The following MCCC1 variants were observed in gnomAD, a reference collection of about 807,000 sequenced individuals.
The protein encoded by MCCC1 is methylcrotonoyl-CoA carboxylase subunit alpha, mitochondrial.
MCCC1 carries 64 observed loss-of-function variants against 83.8 expected under a neutral mutation model. That is an observed-to-expected ratio of 0.76 (90% CI 0.62 to 0.94). The LOEUF is 0.94. MCCC1 is among the 40% of genes least tolerant of loss of function. The probability of loss-of-function intolerance (pLI) is 0.00; values close to 1 mark genes in which losing one functional copy is unlikely to be tolerated. For synonymous variants in MCCC1, 322 were observed against 315.4 expected (o/e 1.02, Z -0.22); for missense variants, 807 against 904.7 (o/e 0.89, Z 1.39).
In MCCC1 at chr3:183,046,543, G is replaced by A. The variant is rs190612741; in HGVS notation, c.956-1003C>T. On this transcript the variant is annotated intron_variant, in intron 9 of 18. Transcript: ENST00000265594. ...CTCCTGAGTAGATGGGACCACAGGC[G>A]CACACCACTATGTCCAGCTAATTTT... Among the ~76,000 whole-genome samples, 10 of 152,004 alleles carry A rather than the reference G, an allele frequency of 6.6e-5. No individual in the cohort carries two copies. The East Asian group carries it at 9.7e-4, about 15-fold the overall frequency.
chr3:183,073,639 T>G (rs1716856631), intron 4 of MCCC1, among the ~76,000 whole-genome samples: 2 of 152,240 alleles, frequency 1.3e-5, no homozygotes, highest in African/African-American at 4.8e-5. Context: ...CCTGTGGCCA[T>G]AAGTTTTGCA....
At chr3:183,115,292 TATC>T (rs1719571522) in intron 1 of MCCC1, among the ~76,000 whole-genome samples, 3 of 152,210 alleles carry the variant, frequency 2.0e-5, no homozygotes, top group Admixed American at 6.5e-5. Flanking sequence ...TAGAATTGGC[TATC>T]ATTTCTTCCA....
chr3:183,072,615 C>T, intron 4 of MCCC1, 128 bp from the exon 5 acceptor site: 1 of 1,015,710 alleles, frequency 9.8e-7, no homozygotes, highest in South Asian at 1.4e-5. Context: ...CTCTATTAAA[C>T]TCTGTTTCCA....
intron 1 of MCCC1, among the ~76,000 whole-genome samples, chr3:183,115,119 T>C (rs1719569559): frequency 6.6e-6 from 1 of 152,136 alleles, no homozygotes; most frequent in Non-Finnish European, 1.5e-5. Flanking sequence ...CCGGCACCCC[T>C]CTGACGGCCT....
intron 17 of MCCC1, among the ~76,000 whole-genome samples, chr3:183,018,831 G>A (rs1452582485): frequency 1.3e-5 from 2 of 152,214 alleles, no homozygotes; most frequent in Non-Finnish European, 2.9e-5. Context: ...TCAGAGCCCT[G>A]TGTAGTAAAT....
intron 14 of MCCC1, 80 bp from the exon 15 acceptor site, chr3:183,025,884 T>C: frequency 7.9e-7 from 1 of 1,260,680 alleles, no homozygotes; most frequent in South Asian, 1.2e-5. Context: ...AGAATCTCAC[T>C]CTCAACCTAA....
intron 7 of MCCC1, among the ~76,000 whole-genome samples, chr3:183,058,120 TAC>T (rs1316524482): frequency 6.6e-6 from 1 of 152,180 alleles, no homozygotes; most frequent in Non-Finnish European, 1.5e-5. Context: ...ACATCAAAAT[TAC>T]AAATTATAGT....
chr3:183,109,820 G>A (rs1170557263), intron 1 of MCCC1, among the ~76,000 whole-genome samples: 2 of 152,168 alleles, frequency 1.3e-5, no homozygotes, highest in Non-Finnish European at 2.9e-5. Context: ...AGTTCTTTGA[G>A]AAATCTCCAA....
upstream of MCCC1, among the ~76,000 whole-genome samples, chr3:183,101,844 G>A (rs1307293490): frequency 2.0e-5 from 3 of 151,888 alleles, no homozygotes; most frequent in East Asian, 3.9e-4. Flanking sequence ...TGAGCCCAGC[G>A]AGACCACGAG....
chr3:183,114,383 G>A (rs138575314), intron 1 of MCCC1, among the ~76,000 whole-genome samples: 5 of 151,990 alleles, frequency 3.3e-5, no homozygotes, highest in African/African-American at 9.7e-5. Flanking sequence ...TCTCTCGGTC[G>A]CTGGCTAATA....
At chr3:183,066,137 A>C (rs956512150) in intron 7 of MCCC1, among the ~76,000 whole-genome samples, 1 of 152,164 alleles carries the variant, frequency 6.6e-6, no homozygotes, top group Admixed American at 6.5e-5. Context: ...TTCTGATATG[A>C]CTTAGTGTAC....
Position 183,015,322 on chromosome 3 carries a change from G to T in MCCC1, c.*116C>A. The T allele has an allele frequency of 1.9e-6, 2 of 1,033,098 alleles. No individual in the cohort carries two copies. The highest frequency in any genetic ancestry group is 3.1e-6 in the Non-Finnish European group (2 of 655,064). The allele number at this position is 1,033,098 out of a possible 1,614,324, so 64.0% of individuals were successfully genotyped here. On this transcript the variant is annotated 3_prime_UTR_variant, in exon 19 of 19. Coordinates refer to ENST00000265594, the MANE Select transcript of MCCC1 (RefSeq NM_020166.5). ...CCAATATGAAAGGTGTTCAGCATAA[G>T]CATACAATCATTTAGTAAAACTGCT...
At chr3:183,022,359 C>T in intron 16 of MCCC1, 58 bp downstream of exon 16, 2 of 1,588,154 alleles carry the variant, frequency 1.3e-6, no homozygotes, top group South Asian at 2.2e-5. Flanking sequence ...TGGAATGTCT[C>T]TGGTCAAACA....
upstream of MCCC1, among the ~76,000 whole-genome samples, chr3:183,102,571 G>C (rs1368722091): frequency 6.6e-6 from 1 of 151,880 alleles, no homozygotes; most frequent in Non-Finnish European, 1.5e-5. Flanking sequence ...CTTCATTCTA[G>C]ATTTTAAAAC....
At chr3:183,024,855 C>T (rs1000623109) in intron 15 of MCCC1, among the ~76,000 whole-genome samples, 18 of 151,584 alleles carry the variant, frequency 1.2e-4, no homozygotes, top group African/African-American at 4.1e-4. Context: ...TTCATAGCAG[C>T]ATTATTCACA....
chr3:183,024,752 A>C (rs1460349434), intron 15 of MCCC1, among the ~76,000 whole-genome samples: 2 of 152,182 alleles, frequency 1.3e-5, no homozygotes, highest in East Asian at 1.9e-4. Flanking sequence ...TTTTCAAAGA[A>C]TCAGAATCAC....
At chr3:183,085,992 C>T (rs1456718438) in intron 4 of MCCC1, among the ~76,000 whole-genome samples, 1 of 152,244 alleles carries the variant, frequency 6.6e-6, no homozygotes, top group Non-Finnish European at 1.5e-5. Flanking sequence ...CAGAAAGTCC[C>T]TCCCCCAGTC....
Position 183,017,300 on chromosome 3 carries a change from T to C in MCCC1, c.2015A>G (p.Asp672Gly), listed in dbSNP as rs992786696. Residue 672 changes from aspartate (D) to glycine (G), a missense_variant, in exon 18 of 19, where the codon GAT becomes GGT. Transcript: ENST00000265594. ...VKAGDKVKAG[D>G]SLMVMIAMKM... The stretch of plus-strand genomic sequence containing the variant: ...CATGGCGATCATAACCATGAGGGAA[T>C]CTCCCGCTTTCACTTTGTCTCCAGC... 7 of 1,613,832 alleles carry C rather than the reference T, an allele frequency of 4.3e-6. No individual in the cohort carries two copies. The African/African-American group carries it at 9.3e-5, about 22-fold the overall frequency.
chr3:183,099,273 C>A, intron 1 of MCCC1, 79 bp downstream of exon 1: 1 of 1,498,674 alleles, frequency 6.7e-7, no homozygotes. Context: ...TGGGTTCCGC[C>A]GCACCTCCCA....
Sources: gnomAD v4.1 joint callset for allele counts (sites outside exome capture counted in the v4.1 genomes callset) on GRCh38, gnomAD v4.1.1 for gene constraint, MANE v1.5 for transcripts, NCBI Gene and HGNC (gene_info 2026-07-23, HGNC 2026-07-21) for gene names.